PRKCH: variants seen among roughly 807,000 people sequenced by gnomAD.
PRKCH encodes the protein protein kinase C eta type.
PRKCH carries 28 observed loss-of-function variants against 82.5 expected under a neutral mutation model. The observed-to-expected ratio is 0.34, with a 90% confidence interval of 0.25 to 0.47. The LOEUF (loss-of-function observed/expected upper bound fraction) is 0.47. Among genes scored for constraint, PRKCH ranks in the 20% least tolerant of loss-of-function variants. The pLI, the probability that PRKCH is intolerant of heterozygous loss-of-function variation, is 1.00. For missense variants in PRKCH, 705 were observed against 881.8 expected (o/e 0.80, Z 2.54); for synonymous variants, 322 against 327.4 (o/e 0.98, Z 0.18).
intron 1 of PRKCH, among the ~76,000 whole-genome samples, chr14:61,339,516 G>A (rs550599544): frequency 6.7e-6 from 1 of 150,154 alleles, no homozygotes; most frequent in South Asian, 2.1e-4. Context: ...GTAGAGACGG[G>A]GTTTCACCTT....
intron 10 of PRKCH, among the ~76,000 whole-genome samples, chr14:61,502,065 C>CTTTTT (rs869064641): frequency 4.7e-4 from 3 of 6,418 alleles, no homozygotes; most frequent in South Asian, 3.2e-3. Context: ...CTTTTCTTTT[C>CTTTTT]TTTTTTTTTT....
At chr14:61,192,513 A>T (rs897776601) in intron 1 of PRKCH, among the ~76,000 whole-genome samples, 1 of 152,208 alleles carries the variant, frequency 6.6e-6, no homozygotes, top group African/African-American at 2.4e-5. Context: ...CATTTTATGA[A>T]GTTTTATGCT....
chr14:61,520,234 G>A (rs1276613276), intron 10 of PRKCH, among the ~76,000 whole-genome samples: 1 of 152,092 alleles, frequency 6.6e-6, no homozygotes, highest in African/African-American at 2.4e-5. Context: ...CCTGGAAATA[G>A]ACTTTTATGT....
chr14:61,187,839 G>C (rs1284955811), intron 1 of PRKCH, among the ~76,000 whole-genome samples: 1 of 152,180 alleles, frequency 6.6e-6, no homozygotes, highest in Non-Finnish European at 1.5e-5. Context: ...ATTCCACACT[G>C]CATGCGGGGT....
At position 61,188,895 on chromosome 14, in the gene PRKCH, T is replaced by C. The variant is rs138270637; in HGVS notation, c.-19+1227T>C. Among the ~76,000 whole-genome samples, 1,218 of 152,142 alleles carry C rather than the reference T, an allele frequency of 8.0e-3. 17 individuals are homozygous for C. Among genetic ancestry groups the C allele is most frequent in the African/African-American group, 0.028 (1,146 of 41,510 alleles). ...CCACCACGCCCGGCTAATTTTTGTA[T>C]TTTTAGTGGGGACGGGATTTCACCA... is the stretch of plus-strand genomic sequence containing the variant. On this transcript the variant is annotated intron_variant, in intron 1 of 3. Transcript: ENST00000555185.
chr14:61,276,482 A>G (rs1433676419), intron 1 of PRKCH, among the ~76,000 whole-genome samples: 1 of 151,678 alleles, frequency 6.6e-6, no homozygotes, highest in Non-Finnish European at 1.5e-5. Flanking sequence ...CACCCTCCTG[A>G]GTAGCTGTCA....
intron 10 of PRKCH, among the ~76,000 whole-genome samples, chr14:61,503,824 C>A (rs2105074): frequency 0.86 from 130,268 of 152,116 alleles, 55,814 homozygotes; most frequent in Middle Eastern, 0.9. Context: ...GCTTACCATG[C>A]AGAGTATTTT....
At chr14:61,382,009 C>T (rs902028742) in intron 1 of PRKCH, among the ~76,000 whole-genome samples, 1 of 152,198 alleles carries the variant, frequency 6.6e-6, no homozygotes, top group African/African-American at 2.4e-5. Context: ...CACTGAGCCT[C>T]CCTTTTTCCA....
intron 1 of PRKCH, among the ~76,000 whole-genome samples, chr14:61,203,459 A>G (rs904641785): frequency 2.0e-5 from 3 of 152,208 alleles, no homozygotes; most frequent in East Asian, 1.9e-4. Flanking sequence ...CTTGGGGGGT[A>G]CTCAAATGAC....
chr14:61,401,530 T>C lies in PRKCH; in HGVS notation c.427+10242T>C, dbSNP rs1881618545. On this transcript the variant is annotated intron_variant, in intron 2 of 13. Coordinates refer to ENST00000332981, the MANE Select transcript of PRKCH (RefSeq NM_006255.5). ...ATACGAAGATTTTATTCATCCTTTT[T>C]TCCCCACTGTGTTGACATTTGCCCC... 2.0e-5 allele frequency among the ~76,000 whole-genome samples: 3 copies of C among 152,340 alleles called. No individual in the cohort carries two copies. In the South Asian group the frequency reaches 6.2e-4, roughly 32 times the overall value.
intron 2 of PRKCH, among the ~76,000 whole-genome samples, chr14:61,396,654 TA>T (rs1256793175): frequency 6.6e-6 from 1 of 152,194 alleles, no homozygotes; most frequent in South Asian, 2.1e-4. Flanking sequence ...AGGTGATGTT[TA>T]AAACAAGTCT....
In PRKCH at chr14:61,280,287, G is replaced by C. The variant is rs1425940337; in HGVS notation, c.-19+92619G>C. 2 of 1,613,898 alleles carry C rather than the reference G, an allele frequency of 1.2e-6. No individual in the cohort carries two copies. Among genetic ancestry groups the C allele is most frequent in the African/African-American group, 2.7e-5 (2 of 74,914 alleles). On this transcript the variant is annotated intron_variant, in intron 1 of 3. Transcript: ENST00000555185. The surrounding 1 kb of genome is among the most constrained non-coding windows in gnomAD (Gnocchi z 5.0). ...ACGCGCGCACCGGGTAGTTGTAGGT[G>C]ATGTTGACGCGGTAGGCGCCCCGCG...
chr14:61,212,934 C>A (rs1681602066), intron 1 of PRKCH, among the ~76,000 whole-genome samples: 1 of 152,142 alleles, frequency 6.6e-6, no homozygotes, highest in Non-Finnish European at 1.5e-5. Context: ...ATTTCCTGGG[C>A]CATAAAATAT....
intron 1 of PRKCH, among the ~76,000 whole-genome samples, chr14:61,301,239 C>T (rs2045445359): frequency 6.6e-6 from 1 of 152,156 alleles, no homozygotes; most frequent in South Asian, 2.1e-4. Flanking sequence ...AGAAAAATTA[C>T]ACTGAAGAAG....
intron 1 of PRKCH, chr14:61,298,902 A>G (rs1292377344): frequency 2.0e-5 from 3 of 152,196 alleles, no homozygotes; most frequent in Non-Finnish European, 4.4e-5. Flanking sequence ...TTTATTAAAA[A>G]GCTTTATAGC....
intron 1 of PRKCH, among the ~76,000 whole-genome samples, chr14:61,283,433 T>C (rs555748545): frequency 6.6e-6 from 1 of 152,340 alleles, no homozygotes; most frequent in South Asian, 2.1e-4. Context: ...GGTTTGACTT[T>C]TGTGGGAACA....
chr14:61,399,155 G>C lies in PRKCH; in HGVS notation c.427+7867G>C, dbSNP rs149075017. Among the ~76,000 whole-genome samples, 1,429 of 152,294 alleles carry C rather than the reference G, an allele frequency of 9.4e-3. 9 individuals are homozygous for C. Among genetic ancestry groups the C allele is most frequent in the Admixed American group, 0.016 (242 of 15,302 alleles). Reference sequence around the variant, plus strand: ...AGGAGATGGGATAGAATTGAAACCCGATTAGCCATGAGTTGTTTACTGAAG... The same window carrying C: ...AGGAGATGGGATAGAATTGAAACCCCATTAGCCATGAGTTGTTTACTGAAG... On this transcript the variant is annotated intron_variant, in intron 2 of 13. Coordinates refer to ENST00000332981, the MANE Select transcript of PRKCH (RefSeq NM_006255.5).
rs549242080 is a variant in PRKCH, at chr14:61,476,169, G to T, written c.1279-9333G>T. ...TGGGTGAAACGAATCTTGGCAGTTT[G>T]TTCCAGCTCTTCTAAAGTTCCATTT... is the stretch of plus-strand genomic sequence containing the variant. On this transcript the variant is annotated intron_variant, in intron 9 of 13. Transcript: ENST00000332981. Among the ~76,000 whole-genome samples, 4 of 152,298 alleles carry T rather than the reference G, an allele frequency of 2.6e-5. No individual in the cohort carries two copies. In the South Asian group the frequency reaches 8.3e-4, roughly 32 times the overall value.
intron 1 of PRKCH, among the ~76,000 whole-genome samples, chr14:61,192,978 T>A (rs2044416340): frequency 2.6e-5 from 4 of 152,210 alleles, no homozygotes. Flanking sequence ...GAACATGAGG[T>A]GTCTCCAGGT....
Sources: gnomAD v4.1 joint callset for allele counts (sites outside exome capture counted in the v4.1 genomes callset) on GRCh38, gnomAD v4.1.1 for gene constraint, Gnocchi (gnomAD v3.1) non-coding constraint, MANE v1.5 for transcripts, NCBI Gene and HGNC (gene_info 2026-07-23, HGNC 2026-07-21) for gene names.